Variants in PCDH17 observed in about 807,000 individuals in gnomAD.
PCDH17 encodes protocadherin-17.
Under a neutral mutation model 67.7 loss-of-function variants are expected in PCDH17, and 21 were observed. The ratio of observed to expected loss-of-function variants is 0.31; its 90% CI spans 0.22 to 0.45. PCDH17 has a LOEUF of 0.45. Among genes scored for constraint, PCDH17 ranks in the 20% least tolerant of loss-of-function variants. The pLI is 1.00. For missense variants in PCDH17, 1,471 were observed against 1,564.8 expected (o/e 0.94, Z 1.01); for synonymous variants, 701 against 656.7 (o/e 1.07, Z -1.03).
chr13:57,678,357 GTATCAA>G (rs1178557766), intron 3 of PCDH17, among the ~76,000 whole-genome samples: 2 of 151,462 alleles, frequency 1.3e-5, no homozygotes, highest in African/African-American at 4.8e-5. Flanking sequence ...AGAAAACTGA[GTATCAA>G]TATACTGAGG....
intron 3 of PCDH17, among the ~76,000 whole-genome samples, chr13:57,671,437 A>G (rs1955320965): frequency 6.6e-6 from 1 of 151,886 alleles, no homozygotes; most frequent in Non-Finnish European, 1.5e-5. Context: ...TATAAATAAT[A>G]AAACTTTTTT....
rs1202266962 is a variant in PCDH17 at position 57,632,729 on chromosome 13, G to A, written c.183G>A (p.Ser61=). The A allele has an allele frequency of 6.2e-7, 1 of 1,611,702 alleles. No individual in the cohort carries two copies. Among genetic ancestry groups the A allele is most frequent in the African/African-American group, 1.3e-5 (1 of 74,910 alleles). The part of the protein sequence containing the change: ...AERGGGGRSK[S]GSYRVLENSA... ...GCGGCGGCGGAGGGCGCAGCAAGTCGGGTAGCTACCGGGTGCTGGAGAACT... is the reference window on the plus strand; with the variant it reads ...GCGGCGGCGGAGGGCGCAGCAAGTCAGGTAGCTACCGGGTGCTGGAGAACT... The change falls in exon 1 of 4, where the codon TCG becomes TCA. Residue 61 remains serine (S), a synonymous_variant. Transcript: ENST00000377918.
At chr13:57,668,192 G>A (rs1276739977) in intron 3 of PCDH17, among the ~76,000 whole-genome samples, 1 of 151,916 alleles carries the variant, frequency 6.6e-6, no homozygotes, top group Non-Finnish European at 1.5e-5. Flanking sequence ...ATGATGGGTT[G>A]TAGCTCTGTG....
Position 57,725,144 on chromosome 13 carries a change from T to C in PCDH17, c.3330T>C (p.Asp1110=). The change falls in exon 4 of 4, where the codon GAT becomes GAC. Residue 1110 remains aspartate (D), a synonymous_variant. Coordinates refer to ENST00000377918, the MANE Select transcript of PCDH17 (RefSeq NM_001040429.3). ...FADVHSRASR[D]SSEMGAVLEQ... ...ATGTGCATTCCAGAGCCAGCCGGGA[T>C]TCCAGTGAGATGGGTGCTGTTCTTG... The C allele has an allele frequency of 6.2e-7, 1 of 1,614,166 alleles. No homozygotes were observed. Among genetic ancestry groups the C allele is most frequent in the Non-Finnish European group, 8.5e-7 (1 of 1,180,016 alleles).
chr13:57,713,807 C>A (rs910261843), intron 3 of PCDH17, among the ~76,000 whole-genome samples: 3 of 151,440 alleles, frequency 2.0e-5, no homozygotes, highest in Non-Finnish European at 3.0e-5. Context: ...TATATAAGTA[C>A]CTGTTGCAGA....
At position 57,727,102 on chromosome 13, in the gene PCDH17, A is replaced by C. The variant is rs555913692; in HGVS notation, c.*1808A>C. 1 of 152,682 alleles carries C rather than the reference A, an allele frequency of 6.5e-6. No homozygotes were observed. The highest frequency in any genetic ancestry group is 1.5e-5 in the Non-Finnish European group (1 of 67,998). The allele number at this position is 152,682 out of a possible 1,614,324, so 9.5% of individuals were successfully genotyped here. A position where few individuals can be genotyped will look rare whatever the true frequency, so the allele number is the denominator to read the frequency against. On this transcript the variant is annotated 3_prime_UTR_variant, in exon 4 of 4. Transcript: ENST00000377918. ...ACCTCAAATTTCAGGAATTGGGAAAAATAAAATTAGCACTTGCAGAAGTAG... is the reference window on the plus strand; with the variant it reads ...ACCTCAAATTTCAGGAATTGGGAAACATAAAATTAGCACTTGCAGAAGTAG...
intron 3 of PCDH17, among the ~76,000 whole-genome samples, chr13:57,669,144 T>TC (rs1955291379): frequency 6.6e-6 from 1 of 152,124 alleles, no homozygotes; most frequent in Non-Finnish European, 1.5e-5. Context: ...TCCAGCTTCA[T>TC]CCATGTCCCT....
At chr13:57,683,717 C>A (rs371035132) in intron 3 of PCDH17, among the ~76,000 whole-genome samples, 2 of 151,724 alleles carry the variant, frequency 1.3e-5, no homozygotes, top group Non-Finnish European at 2.9e-5. Flanking sequence ...ACTCAGAAAC[C>A]GCCTTTCCTA....
intron 3 of PCDH17, among the ~76,000 whole-genome samples, chr13:57,715,951 G>A (rs898531884): frequency 6.6e-6 from 1 of 151,852 alleles, no homozygotes; most frequent in Non-Finnish European, 1.5e-5. Flanking sequence ...GATTTATGCT[G>A]GTAACATAAA....
rs760953125 is a variant in PCDH17 at position 57,634,378 on chromosome 13, G to A, written c.1832G>A (p.Arg611His). 1 of 1,612,486 alleles carries A rather than the reference G, an allele frequency of 6.2e-7. No homozygotes were observed. Among genetic ancestry groups the A allele is most frequent in the Admixed American group, 1.7e-5 (1 of 60,022 alleles). ...AGLGYLVSTV[R>H]ALDSDFGESG... ...CTGGGCTATCTGGTGAGCACTGTGCGCGCCCTAGACAGCGACTTCGGCGAG... is the reference window on the plus strand; with the variant it reads ...CTGGGCTATCTGGTGAGCACTGTGCACGCCCTAGACAGCGACTTCGGCGAG... Residue 611 changes from arginine (R) to histidine (H), a missense_variant, in exon 1 of 4, where the codon CGC becomes CAC. Coordinates refer to ENST00000377918, the MANE Select transcript of PCDH17 (RefSeq NM_001040429.3). The surrounding 1 kb of genome is among the most constrained non-coding windows in gnomAD (Gnocchi z 7.8).
chr13:57,714,593 T>C (rs765550532), intron 3 of PCDH17, among the ~76,000 whole-genome samples: 12 of 151,752 alleles, frequency 7.9e-5, no homozygotes, highest in Non-Finnish European at 1.8e-4. Context: ...AAATTCACAG[T>C]ATTATTTAAG....
intron 3 of PCDH17, among the ~76,000 whole-genome samples, chr13:57,710,433 C>A (rs189777985): frequency 2.2e-4 from 33 of 151,868 alleles, no homozygotes; most frequent in Non-Finnish European, 2.9e-5. Flanking sequence ...ATATTTAAAT[C>A]CCTGGAACTC....
chr13:57,679,508 A>G lies in PCDH17; in HGVS notation c.2797+12675A>G, dbSNP rs560251505. On this transcript the variant is annotated intron_variant, in intron 3 of 3. Transcript: ENST00000377918. ...TAGGATCATTTTGAATAGCACTTTT[A>G]GGATTTGCAGACCAATAACAAATAC... is the stretch of plus-strand genomic sequence containing the variant. Among the ~76,000 whole-genome samples the G allele has an allele frequency of 3.3e-5, 5 of 151,612 alleles. No individual in the cohort carries two copies. The East Asian group carries it at 9.8e-4, about 30-fold the overall frequency.
At chr13:57,721,438 C>T (rs1955870950) in intron 3 of PCDH17, among the ~76,000 whole-genome samples, 1 of 151,794 alleles carries the variant, frequency 6.6e-6, no homozygotes, top group Non-Finnish European at 1.5e-5. Flanking sequence ...ATTTCCATAG[C>T]TTATAATTTA....
chr13:57,713,175 A>G (rs540864855), intron 3 of PCDH17, among the ~76,000 whole-genome samples: 1 of 151,676 alleles, frequency 6.6e-6, no homozygotes, highest in Admixed American at 6.6e-5. Context: ...AATTTCTCCA[A>G]TGCTTCAGTG....
intron 1 of PCDH17, among the ~76,000 whole-genome samples, chr13:57,650,218 T>TTGTG (rs67398023): frequency 0.13 from 17,340 of 137,354 alleles, 1,216 homozygotes; most frequent in East Asian, 0.18. Context: ...GGACCCTTGA[T>TTGTG]TGTGTGTGTG....
chr13:57,645,764 G>A (rs1383159750), intron 1 of PCDH17, among the ~76,000 whole-genome samples: 2 of 150,882 alleles, frequency 1.3e-5, no homozygotes, highest in Non-Finnish European at 3.0e-5. Flanking sequence ...GTTGATTGTA[G>A]CATATCTTTC....
intron 3 of PCDH17, among the ~76,000 whole-genome samples, chr13:57,680,723 A>G (rs1424164636): frequency 6.6e-6 from 1 of 151,692 alleles, no homozygotes; most frequent in Non-Finnish European, 1.5e-5. Context: ...AACTTTGTAT[A>G]TTATATCATG....
In PCDH17 at chr13:57,718,182, C is replaced by T. The variant is rs150575926; in HGVS notation, c.2798-6430C>T. 2.1e-3 allele frequency among the ~76,000 whole-genome samples: 317 copies of T among 151,924 alleles called. 1 individual carries two copies. Among genetic ancestry groups the T allele is most frequent in the African/African-American group, 6.8e-3 (282 of 41,458 alleles). On this transcript the variant is annotated intron_variant, in intron 3 of 3. Transcript: ENST00000377918. ...TTAGCTAAGCAAGGGATGGATTCTC[C>T]GATTAACATTTTTTCTTACACAACC...
Sources: allele counts gnomAD v4.1 joint callset (sites outside exome capture counted in the v4.1 genomes callset), GRCh38; gene constraint gnomAD v4.1.1; non-coding constraint Gnocchi (gnomAD v3.1); transcripts MANE v1.5; gene names NCBI Gene and HGNC (gene_info 2026-07-23, HGNC 2026-07-21).